CORO2A: variants seen among roughly 807,000 people sequenced by gnomAD.
CORO2A encodes the protein coronin-2A.
CORO2A carries 47 observed loss-of-function variants against 62.4 expected under a neutral mutation model. The ratio of observed to expected loss-of-function variants is 0.75; its 90% confidence interval spans 0.60 to 0.96. The LOEUF (loss-of-function observed/expected upper bound fraction) is 0.96. Ranked by LOEUF, CORO2A falls within the 40% of genes least tolerant of loss-of-function variation. CORO2A has a pLI of 0.00. For synonymous variants in CORO2A, 273 were observed against 268.9 expected, an observed-to-expected ratio of 1.02 and a Z score of -0.15; for missense variants, 610 against 684.1, an observed-to-expected ratio of 0.89 and a Z score of 1.21.
In CORO2A at chr9:98,154,352, T is replaced by TATATATATATATATATATATACAC. The variant is rs71369555; in HGVS notation, c.201+3107_201+3108insGTGTATATATATATATATATATAT. Among the ~76,000 whole-genome samples the TATATATATATATATATATATACAC allele has an allele frequency of 4.4e-3, 410 of 93,814 alleles. 9 individuals carry two copies. The highest frequency in any genetic ancestry group is 0.013 in the African/African-American group (344 of 26,610). 61.5% of individuals were successfully genotyped at this position (93,814 alleles called of 152,430 possible). A position where few individuals can be genotyped will look rare whatever the true frequency, so the allele number is the denominator to read the frequency against. Reference sequence around the variant, plus strand: ...GTGTATATATATATATATATATATATACACAAATACATATATATATATATT... The same window carrying TATATATATATATATATATATACAC: ...GTGTATATATATATATATATATATATATATATATATATATATATATACACACACAAATACATATATATATATATT... On this transcript the variant is annotated intron_variant, in intron 2 of 11. Coordinates refer to ENST00000375077, the MANE Select transcript of CORO2A (RefSeq NM_052820.4).
rs1340586803 is a variant in CORO2A at position 98,169,345 on chromosome 9, C to G, written c.1-11685G>C. The stretch of plus-strand genomic sequence containing the variant: ...TAGGCCTGAGGGAGTGCCTCCTCCC[C>G]ACATCTGACACTGCCCAGAGCCACC... On this transcript the variant is annotated intron_variant, in intron 1 of 11. Coordinates refer to ENST00000375077, the MANE Select transcript of CORO2A (RefSeq NM_052820.4). 2.0e-5 allele frequency among the ~76,000 whole-genome samples: 3 copies of G among 152,152 alleles called. No homozygotes were observed. The East Asian group carries it at 5.8e-4, about 29-fold the overall frequency.
At chr9:98,155,800 A>G (rs1174499500) in intron 2 of CORO2A, among the ~76,000 whole-genome samples, 1 of 152,118 alleles carries the variant, frequency 6.6e-6, no homozygotes. Context: ...AGTTGCTTGT[A>G]TTAGTTCTTA....
chr9:98,127,369 G>A (rs1054146662), intron 10 of CORO2A, among the ~76,000 whole-genome samples: 2 of 152,176 alleles, frequency 1.3e-5, no homozygotes, highest in African/African-American at 4.8e-5. Context: ...GAAGTTTGTG[G>A]GGGTGGAAGG....
chr9:98,132,070 C>T lies in CORO2A; in HGVS notation c.765+115G>A, dbSNP rs1025568369. ...TCATCCCCGGATCCCCAGCACCTGG[C>T]AGTCTACGCTAAATGTGTGTGTCAT... On this transcript the variant is annotated intron_variant, in intron 6 of 11. Transcript: ENST00000375077. 4.8e-6 allele frequency: 4 copies of T among 835,780 alleles called. No individual in the cohort carries two copies. The African/African-American group carries it at 5.0e-5, about 10-fold the overall frequency. 51.8% of individuals were successfully genotyped at this position (835,780 alleles called of 1,614,324 possible).
chr9:98,170,662 T>G (rs1354378714), intron 1 of CORO2A, among the ~76,000 whole-genome samples: 1 of 152,194 alleles, frequency 6.6e-6, no homozygotes, highest in Non-Finnish European at 1.5e-5. Context: ...CAAGCTGATC[T>G]TGAACTCCTG....
chr9:98,126,415 G>T, intron 11 of CORO2A, 134 bp downstream of exon 11: 1 of 1,195,586 alleles, frequency 8.4e-7, no homozygotes, highest in Non-Finnish European at 1.2e-6. Flanking sequence ...AACAAAATGA[G>T]TCAAGTGACT....
chr9:98,188,990 C>T (rs1392881390), intron 1 of CORO2A, among the ~76,000 whole-genome samples: 1 of 152,144 alleles, frequency 6.6e-6, no homozygotes, highest in Non-Finnish European at 1.5e-5. Context: ...GCTCCCATGT[C>T]CCTCCTCCTT....
intron 2 of CORO2A, among the ~76,000 whole-genome samples, chr9:98,156,049 AT>A (rs56931336): frequency 0.47 from 55,298 of 118,282 alleles, 10,036 homozygotes; most frequent in Admixed American, 0.47. Flanking sequence ...CTTTGTTTGA[AT>A]TTTTTTTTTT....
rs563431215 is a variant in CORO2A at position 98,139,358 on chromosome 9, T to C, written c.202-1670A>G. Among the ~76,000 whole-genome samples, 3 of 152,270 alleles carry C rather than the reference T, an allele frequency of 2.0e-5. No homozygotes were observed. The South Asian group carries it at 6.2e-4, about 32-fold the overall frequency. On this transcript the variant is annotated intron_variant, in intron 2 of 11. Transcript: ENST00000375077. ...AATCAAAAAATTAGGCCTGGCATGG[T>C]GGCTCACGGCTGTAATCCCAGCACT... is the stretch of plus-strand genomic sequence containing the variant.
At chr9:98,128,038 A>C in intron 10 of CORO2A, 132 bp downstream of exon 10, 1 of 682,378 alleles carries the variant, frequency 1.5e-6, no homozygotes, top group Non-Finnish European at 2.5e-6. Context: ...CTGGGGACTG[A>C]AGGTCAAGGG....
Position 98,133,311 on chromosome 9 carries a change from C to T in CORO2A, c.469-94G>A, listed in dbSNP as rs558863651. ...GCCAGGATGCAGTGAAACACAGTAT[C>T]CCTGGGAGGGTGGCGCAGCTGGCAG... On this transcript the variant is annotated intron_variant, in intron 4 of 11. Transcript: ENST00000375077. 7 of 1,291,412 alleles carry T rather than the reference C, an allele frequency of 5.4e-6. No homozygotes were observed. The South Asian group carries it at 9.5e-5, about 18-fold the overall frequency. The allele number at this position is 1,291,412 out of a possible 1,614,324, so 80.0% of individuals were successfully genotyped here.
At chr9:98,186,666 AATATATCC>A (rs1227369860) in intron 1 of CORO2A, among the ~76,000 whole-genome samples, 24 of 152,232 alleles carry the variant, frequency 1.6e-4, no homozygotes, top group Non-Finnish European at 1.3e-4. Flanking sequence ...ATTTACATAT[AATATATCC>A]ATTTTAAAAC....
chr9:98,187,051 G>A (rs548944645), intron 1 of CORO2A, among the ~76,000 whole-genome samples: 1 of 152,018 alleles, frequency 6.6e-6, no homozygotes, highest in Non-Finnish European at 1.5e-5. Flanking sequence ...AGGCTGAGGG[G>A]GGCAGATCAT....
chr9:98,125,681 C>T (rs1462594844), intron 11 of CORO2A, among the ~76,000 whole-genome samples: 1 of 151,588 alleles, frequency 6.6e-6, no homozygotes, highest in Non-Finnish European at 1.5e-5. Context: ...AGGTCAAACC[C>T]TCTCCATTTT....
intron 1 of CORO2A, among the ~76,000 whole-genome samples, chr9:98,178,153 C>A (rs1828133355): frequency 6.6e-6 from 1 of 152,106 alleles, no homozygotes; most frequent in South Asian, 2.1e-4. Flanking sequence ...CTCAAGCAAT[C>A]CTCCTGCCTC....
At chr9:98,177,457 GTTTTTTTT>G (rs1174402008) in intron 1 of CORO2A, among the ~76,000 whole-genome samples, 3 of 98,346 alleles carry the variant, frequency 3.1e-5, no homozygotes, top group African/African-American at 1.3e-4. Context: ...TCCAAACTTT[GTTTTTTTT>G]TTTTTTTTTT....
intron 1 of CORO2A, among the ~76,000 whole-genome samples, chr9:98,161,546 T>A (rs56735263): frequency 0.1 from 15,873 of 152,140 alleles, 1,092 homozygotes; most frequent in East Asian, 0.21. Context: ...AGAGTGATAA[T>A]CTGTCTCAAA....
chr9:98,131,068 G>C lies in CORO2A; in HGVS notation c.766-9C>G. 1 of 1,600,750 alleles carries C rather than the reference G, an allele frequency of 6.2e-7. No individual in the cohort carries two copies. Among genetic ancestry groups the C allele is most frequent in the South Asian group, 1.1e-5 (1 of 89,600 alleles). ...GGCACAGAGAGGTTATCCTGCAGGG[G>C]AAGGGGAGGCAGGGAAGGCCTGGGT... On this transcript the variant is annotated splice_polypyrimidine_tract_variant and intron_variant, in intron 6 of 11. Transcript: ENST00000375077.
chr9:98,143,525 ATGGTGCAGC>A (rs1025019679), intron 2 of CORO2A, among the ~76,000 whole-genome samples: 1 of 152,166 alleles, frequency 6.6e-6, no homozygotes, highest in African/African-American at 2.4e-5. Flanking sequence ...ATCCCTTACC[ATGGTGCAGC>A]CTTGGGCAAG....
Sources: allele counts gnomAD v4.1 joint callset (sites outside exome capture counted in the v4.1 genomes callset), GRCh38; gene constraint gnomAD v4.1.1; transcripts MANE v1.5; gene names NCBI Gene and HGNC (gene_info 2026-07-23, HGNC 2026-07-21).